VDAC3: variants seen among roughly 807,000 people sequenced by gnomAD.
VDAC3 encodes the protein non-selective voltage-gated ion channel VDAC3.
VDAC3 carries 7 observed loss-of-function variants against 33.9 expected under a neutral mutation model. The ratio of observed to expected loss-of-function variants is 0.21; its 90% confidence interval spans 0.12 to 0.39. The LOEUF is 0.39. Ranked by LOEUF, VDAC3 falls within the 10% of genes least tolerant of loss-of-function variation. The pLI is 1.00. For missense variants in VDAC3, 261 were observed against 334.5 expected, an observed-to-expected ratio of 0.78 and a Z score of 1.71; for synonymous variants, 100 against 122.4, an observed-to-expected ratio of 0.82 and a Z score of 1.21.
At chr8:42,395,622 G>C (rs1328108917) in intron 4 of VDAC3, among the ~76,000 whole-genome samples, 3 of 152,168 alleles carry the variant, frequency 2.0e-5, no homozygotes, top group South Asian at 4.1e-4. Context: ...TGGAAGTAAA[G>C]ACTACAGTAA....
chr8:42,404,009 A>AT (rs765553955), intron 8 of VDAC3, among the ~76,000 whole-genome samples: 1 of 152,088 alleles, frequency 6.6e-6, no homozygotes, highest in Non-Finnish European at 1.5e-5. Context: ...TTATTTGGAA[A>AT]TTCATGGGAT....
intron 5 of VDAC3, 52 bp from the exon 6 acceptor site, chr8:42,399,599 G>T: frequency 6.6e-7 from 1 of 1,520,378 alleles, no homozygotes; most frequent in South Asian, 1.2e-5. Context: ...TTCTTGAGTT[G>T]GATAAATGAT....
chr8:42,398,980 T>G, intron 5 of VDAC3, 116 bp downstream of exon 5: 2 of 1,228,894 alleles, frequency 1.6e-6, no homozygotes, highest in Non-Finnish European at 2.2e-6. Flanking sequence ...AGCCATATTT[T>G]TTCTCTGCAT....
chr8:42,397,815 C>G (rs1416668568), intron 4 of VDAC3, among the ~76,000 whole-genome samples: 4 of 152,178 alleles, frequency 2.6e-5, no homozygotes, highest in Non-Finnish European at 5.9e-5. Flanking sequence ...TTGAAATTGT[C>G]TAAGCAGAAG....
chr8:42,398,862 A>C lies in VDAC3; in HGVS notation c.268A>C (p.Lys90Gln), dbSNP rs766099956. Residue 90 changes from lysine to glutamine, a missense_variant and splice_region_variant, in exon 5 of 10, where the codon AAG (lysine) becomes CAG (glutamine). Coordinates refer to ENST00000022615, the MANE Select transcript of VDAC3 (RefSeq NM_005662.7). Reference protein sequence around the residue: ...TLGTEISWENKLAEGLKLTLD... With the variant: ...TLGTEISWENQLAEGLKLTLD... ...AGGGACAGAAATCTCTTGGGAGAAT[A>C]AGGTAAGAGAACGCATTAGAAGTTA... 3.7e-6 allele frequency: 6 copies of C among 1,613,376 alleles called. No homozygotes were observed. Among genetic ancestry groups the C allele is most frequent in the Non-Finnish European group, 5.1e-6 (6 of 1,179,876 alleles).
chr8:42,398,959 A>T, intron 5 of VDAC3, 95 bp downstream of exon 5: 2 of 1,427,250 alleles, frequency 1.4e-6, no homozygotes, highest in Non-Finnish European at 1.9e-6. Flanking sequence ...AGATCTTACA[A>T]CCTATCTAGT....
At chr8:42,403,731 G>A (rs150165926) in intron 8 of VDAC3, among the ~76,000 whole-genome samples, 173 of 152,106 alleles carry the variant, frequency 1.1e-3, no homozygotes, top group African/African-American at 3.7e-3. Flanking sequence ...CAAAAATTAG[G>A]TGGGCGTGGT....
intron 4 of VDAC3, among the ~76,000 whole-genome samples, 186 bp downstream of exon 4, chr8:42,395,319 C>G (rs972544762): frequency 1.3e-5 from 2 of 152,174 alleles, no homozygotes; most frequent in African/African-American, 4.8e-5. Context: ...TTGAAGAGAC[C>G]TTTTGTGTTT....
At chr8:42,405,018 G>A (rs1802475768) in intron 9 of VDAC3, 94 bp downstream of exon 9, 1 of 1,157,342 alleles carries the variant, frequency 8.6e-7, no homozygotes, top group Non-Finnish European at 1.3e-6. Context: ...GTCACTGTAA[G>A]TTGATTTGGA....
chr8:42,393,207 G>A (rs527482164), intron 1 of VDAC3, among the ~76,000 whole-genome samples: 2 of 152,272 alleles, frequency 1.3e-5, no homozygotes, highest in Admixed American at 6.5e-5. Flanking sequence ...GTATGATGGG[G>A]TAGGCAGAAG....
intron 8 of VDAC3, 100 bp from the exon 9 acceptor site, chr8:42,404,767 G>C: frequency 1.0e-6 from 1 of 954,380 alleles, no homozygotes; most frequent in Non-Finnish European, 1.6e-6. Context: ...TTGGCCCTAG[G>C]GTGCTTTTAG....
chr8:42,401,696 T>C, intron 6 of VDAC3, 92 bp from the exon 7 acceptor site: 1 of 1,108,472 alleles, frequency 9.0e-7, no homozygotes, highest in South Asian at 1.4e-5. Flanking sequence ...CATTGGGAGA[T>C]GAGAGAGAGG....
chr8:42,399,607 G>A, intron 5 of VDAC3, 44 bp from the exon 6 acceptor site: 1 of 1,548,520 alleles, frequency 6.5e-7, no homozygotes, highest in Non-Finnish European at 8.8e-7. Context: ...TTGGATAAAT[G>A]ATTGAAAATT....
At chr8:42,396,066 G>A (rs1418558291) in intron 4 of VDAC3, among the ~76,000 whole-genome samples, 1 of 151,962 alleles carries the variant, frequency 6.6e-6, no homozygotes, top group African/African-American at 2.4e-5. Flanking sequence ...GACCATCCTG[G>A]CTAATATGGT....
intron 5 of VDAC3, 30 bp from the exon 6 acceptor site, chr8:42,399,621 A>G: frequency 1.3e-6 from 2 of 1,584,738 alleles, no homozygotes; most frequent in Non-Finnish European, 1.7e-6. Context: ...GAAAATTACT[A>G]ATTATTTATT....
chr8:42,395,986 G>A (rs1237669799), intron 4 of VDAC3, among the ~76,000 whole-genome samples: 12 of 132,234 alleles, frequency 9.1e-5, no homozygotes, highest in African/African-American at 2.6e-4. Context: ...GGCCAGGTGC[G>A]GTGGCTCACG....
intron 6 of VDAC3, among the ~76,000 whole-genome samples, chr8:42,401,059 C>A (rs1266783492): frequency 6.6e-6 from 1 of 152,122 alleles, no homozygotes; most frequent in Non-Finnish European, 1.5e-5. Context: ...TGCTTCTCTC[C>A]ATGATAGGTT....
chr8:42,402,597 G>A (rs1411614056), intron 7 of VDAC3, among the ~76,000 whole-genome samples: 3 of 152,158 alleles, frequency 2.0e-5, no homozygotes, highest in Non-Finnish European at 4.4e-5. Context: ...ATTTTATGTT[G>A]AGCCTACTGG....
In VDAC3 at chr8:42,394,195, G is replaced by C. The variant is rs761094883; in HGVS notation, c.-2-15G>C. 1.2e-6 allele frequency: 2 copies of C among 1,611,876 alleles called. No individual in the cohort carries two copies. The highest frequency in any genetic ancestry group is 2.2e-5 in the South Asian group (2 of 91,026). Reference sequence around the variant, plus strand: ...ATGGTTATTTTTATTCCTTTGCCCTGTTTTTCTTTATAAGATATGTGTAAC... The same window carrying C: ...ATGGTTATTTTTATTCCTTTGCCCTCTTTTTCTTTATAAGATATGTGTAAC... On this transcript the variant is annotated splice_polypyrimidine_tract_variant and intron_variant, in intron 2 of 9. Transcript: ENST00000022615.
Sources: allele counts gnomAD v4.1 joint callset (sites outside exome capture counted in the v4.1 genomes callset), GRCh38; gene constraint gnomAD v4.1.1; transcripts MANE v1.5; gene names NCBI Gene and HGNC (gene_info 2026-07-23, HGNC 2026-07-21).